Variants in TENM3 observed in about 807,000 individuals in gnomAD.
TENM3 encodes the protein teneurin-3.
In TENM3, 63 loss-of-function variants were observed where a neutral mutation model predicts 255.1. That is an observed-to-expected ratio of 0.25 (90% CI 0.20 to 0.30). TENM3 has a LOEUF of 0.30. Among genes scored for constraint, TENM3 ranks in the 10% least tolerant of loss-of-function variants. The pLI, the probability that TENM3 is intolerant of heterozygous loss-of-function variation, is 1.00. For missense variants in TENM3, 2,929 were observed against 3,461.1 expected (o/e 0.85, Z 3.86); for synonymous variants, 1,306 against 1,322.3 (o/e 0.99, Z 0.27).
the TENM3 span, among the ~76,000 whole-genome samples, chr4:181,835,810 CAA>C: frequency 6.6e-6 from 1 of 152,266 alleles, no homozygotes; most frequent in East Asian, 1.9e-4. Flanking sequence ...ATAAATACTA[CAA>C]GTTATCTTAT....
At chr4:182,143,457 T>C (rs1023136332), upstream of TENM3, 1 of 166,856 alleles carries the variant, frequency 6.0e-6, no homozygotes, top group Non-Finnish European at 1.5e-5. The surrounding 1 kb of genome is among the most constrained non-coding windows in gnomAD (Gnocchi z 4.3). Flanking sequence ...AAATCCTTAA[T>C]TACACCCTTC....
intron 3 of TENM3, among the ~76,000 whole-genome samples, chr4:182,488,636 C>T (rs1357539027): frequency 6.6e-6 from 1 of 152,022 alleles, no homozygotes; most frequent in Non-Finnish European, 1.5e-5. Context: ...AAATAAGAAG[C>T]TGGTAGTTAA....
intron 2 of TENM3, among the ~76,000 whole-genome samples, chr4:182,342,689 GAGA>G (rs932311558): frequency 4.6e-5 from 7 of 152,126 alleles, no homozygotes; most frequent in Non-Finnish European, 4.4e-5. Context: ...GAGACCAAGA[GAGA>G]AGGAGAGAAA....
chr4:182,075,682 G>A, the TENM3 span, among the ~76,000 whole-genome samples: 1 of 152,008 alleles, frequency 6.6e-6, no homozygotes, highest in South Asian at 2.1e-4. Flanking sequence ...CTTTTCTTCT[G>A]TCATTGCTCT....
At chr4:181,710,402 G>T in the TENM3 span, among the ~76,000 whole-genome samples, 1 of 152,014 alleles carries the variant, frequency 6.6e-6, no homozygotes, top group African/African-American at 2.4e-5. Flanking sequence ...GCCACATGAA[G>T]GTATTCCTGT....
the TENM3 span, among the ~76,000 whole-genome samples, chr4:181,792,548 G>A: frequency 2.0e-5 from 3 of 152,194 alleles, no homozygotes; most frequent in African/African-American, 7.2e-5. Flanking sequence ...ATACAATTAC[G>A]TTTGAAAATT....
chr4:181,642,225 A>G, the TENM3 span, among the ~76,000 whole-genome samples: 1,588 of 149,988 alleles, frequency 0.011, 28 homozygotes, highest in African/African-American at 0.037. Context: ...ATGACCAGTG[A>G]TGATGATTTT....
Position 182,317,718 on chromosome 4 carries a change from T to A in TENM3, c.-75-6228T>A, listed in dbSNP as rs190421541. ...TGCTTGAATTTAGCACTACCAAAAA[T>A]ATATATATATATATGATTTTATTTT... On this transcript the variant is annotated intron_variant, in intron 1 of 27. Transcript: ENST00000511685. Among the ~76,000 whole-genome samples, 1,001 of 150,996 alleles carry A rather than the reference T, an allele frequency of 6.6e-3. 10 individuals carry two copies. The highest frequency in any genetic ancestry group is 0.022 in the African/African-American group (928 of 41,328).
At chr4:181,573,250 T>C in the TENM3 span, among the ~76,000 whole-genome samples, 1 of 152,192 alleles carries the variant, frequency 6.6e-6, no homozygotes, top group African/African-American at 2.4e-5. Flanking sequence ...CCTCTGAGTA[T>C]GTACCTAGCA....
At chr4:181,839,386 CA>C in the TENM3 span, among the ~76,000 whole-genome samples, 1 of 44,110 alleles carries the variant, frequency 2.3e-5, no homozygotes, top group Non-Finnish European at 4.9e-5. Context: ...TATATATATA[CA>C]CCTATATACA....
the TENM3 span, among the ~76,000 whole-genome samples, chr4:181,570,351 C>T: frequency 1.3e-5 from 2 of 151,994 alleles, no homozygotes; most frequent in South Asian, 2.1e-4. Context: ...TCTTAAAAAA[C>T]GTATCCAGGC....
chr4:182,386,193 A>G (rs1468962344), intron 3 of TENM3, among the ~76,000 whole-genome samples: 1 of 152,248 alleles, frequency 6.6e-6, no homozygotes, highest in African/African-American at 2.4e-5. Context: ...CAGTAAACAT[A>G]GCCCAGTCTG....
At chr4:182,081,786 A>T in the TENM3 span, 1 of 152,072 alleles carries the variant, frequency 6.6e-6, no homozygotes, top group Non-Finnish European at 1.5e-5. Flanking sequence ...GGCTCCCCGT[A>T]GATTCTTGAT....
intron 3 of TENM3, among the ~76,000 whole-genome samples, chr4:182,556,771 G>A (rs547613179): frequency 6.6e-6 from 1 of 152,274 alleles, no homozygotes. Context: ...AGACTGAAGT[G>A]CTGGCATATC....
chr4:181,641,792 TATACACACACACC>T, the TENM3 span, among the ~76,000 whole-genome samples: 2 of 101,122 alleles, frequency 2.0e-5, no homozygotes, highest in African/African-American at 8.0e-5. Flanking sequence ...ACCATATATA[TATACACACACACC>T]ATATATATAT....
intron 23 of TENM3, chr4:182,773,903 G>A: frequency 3.2e-6 from 1 of 309,046 alleles, no homozygotes; most frequent in Non-Finnish European, 5.9e-6. Flanking sequence ...CTTCATTCCA[G>A]CCCTTCACAT....
At chr4:181,916,672 A>T in the TENM3 span, among the ~76,000 whole-genome samples, 1 of 152,180 alleles carries the variant, frequency 6.6e-6, no homozygotes, top group South Asian at 2.1e-4. Flanking sequence ...AGGTCAGGAG[A>T]TCGAGACCAC....
the TENM3 span, among the ~76,000 whole-genome samples, chr4:181,459,266 C>T: frequency 1.3e-5 from 2 of 151,700 alleles, no homozygotes; most frequent in African/African-American, 4.8e-5. Flanking sequence ...TTATGGAGTT[C>T]TTTCTATATG....
the TENM3 span, among the ~76,000 whole-genome samples, chr4:182,008,773 G>A: frequency 6.6e-6 from 1 of 152,054 alleles, no homozygotes. Context: ...ATGGAGAGAT[G>A]TTGCGATCAT....
Sources: allele counts gnomAD v4.1 joint callset (sites outside exome capture counted in the v4.1 genomes callset), GRCh38; gene constraint gnomAD v4.1.1; non-coding constraint Gnocchi (gnomAD v3.1); transcripts MANE v1.5; gene names NCBI Gene and HGNC (gene_info 2026-07-23, HGNC 2026-07-21).